LPCAT3: variants seen among roughly 807,000 people sequenced by gnomAD.
LPCAT3 encodes lysophospholipid acyltransferase 5.
In LPCAT3, 21 loss-of-function variants were observed where a neutral mutation model predicts 63.4. That is an observed-to-expected ratio of 0.33 (90% confidence interval 0.23 to 0.48). The LOEUF (loss-of-function observed/expected upper bound fraction) is 0.48, where lower values mean the gene tolerates loss of function less well. Among genes scored for constraint, LPCAT3 ranks in the 20% least tolerant of loss-of-function variants. The probability of loss-of-function intolerance (pLI) is 0.99; values close to 1 mark genes in which losing one functional copy is unlikely to be tolerated. For synonymous variants in LPCAT3, 242 were observed against 227.5 expected, an observed-to-expected ratio of 1.06 and a Z score of -0.58; for missense variants, 451 against 590.6, an observed-to-expected ratio of 0.76 and a Z score of 2.45.
In LPCAT3 at chr12:6,976,368, AT is replaced by A. The variant is rs1946400661; in HGVS notation, c.*535del. Reference sequence around the variant, plus strand: ...TAGATTCCTGGCTAGATGGGGAGAGATAAGGCAATGTGCATGGGGGAATCAG... The same window carrying A: ...TAGATTCCTGGCTAGATGGGGAGAGAAAGGCAATGTGCATGGGGGAATCAG... On this transcript the variant is annotated 3_prime_UTR_variant, in exon 13 of 13. Coordinates refer to ENST00000261407, the MANE Select transcript of LPCAT3 (RefSeq NM_005768.6). 1 of 153,828 alleles carries A rather than the reference AT, an allele frequency of 6.5e-6. No individual in the cohort carries two copies. Among genetic ancestry groups the A allele is most frequent in the South Asian group, 2.0e-4 (1 of 4,888 alleles). 9.5% of individuals were successfully genotyped at this position (153,828 alleles called of 1,614,324 possible).
In LPCAT3 at chr12:6,977,962, GT is replaced by G. The variant is rs1456115478; in HGVS notation, c.1041-218del. 1.7e-6 allele frequency: 1 copy of G among 589,484 alleles called. No individual in the cohort carries two copies. Among genetic ancestry groups the G allele is most frequent in the Non-Finnish European group, 3.0e-6 (1 of 335,284 alleles). 36.5% of individuals were successfully genotyped at this position (589,484 alleles called of 1,614,324 possible). ...AGACCGTGTGCGCACGAGCCACTTG[GT>G]TCAGCAGCAGTGACTGAGGCTGATG... is the stretch of plus-strand genomic sequence containing the variant. On this transcript the variant is annotated intron_variant, in intron 9 of 12. Transcript: ENST00000261407. The surrounding 1 kb of genome is among the most constrained non-coding windows in gnomAD (Gnocchi z 4.5).
rs3764031 is a variant in LPCAT3, at chr12:6,982,757, C to T, written c.285G>A (p.Leu95=). The T allele has an allele frequency of 0.097, 156,826 of 1,612,600 alleles. 12,167 individuals are homozygous for T. The highest frequency in any genetic ancestry group is 0.42 in the African/African-American group (31,337 of 74,844). ...NFGNQLYHSL[L]CIVLQFLILR... ...GGATGAGGAACTGAAGCACAATACACAGCAGGGAGTGGTAGAGCTGGTTTC... is the reference window on the plus strand; with the variant it reads ...GGATGAGGAACTGAAGCACAATACATAGCAGGGAGTGGTAGAGCTGGTTTC... Residue 95 remains leucine, a synonymous_variant, in exon 3 of 13, where the codon CTG becomes CTA. Coordinates refer to ENST00000261407, the MANE Select transcript of LPCAT3 (RefSeq NM_005768.6).
chr12:6,983,035 G>A (rs1477411933), intron 2 of LPCAT3: 12 of 579,478 alleles, frequency 2.1e-5, no homozygotes, highest in African/African-American at 1.8e-5. Context: ...AGACTTGAGT[G>A]CAGTAGCTCA....
chr12:6,983,905 G>A (rs1946497244), intron 1 of LPCAT3, among the ~76,000 whole-genome samples: 1 of 152,240 alleles, frequency 6.6e-6, no homozygotes, highest in Middle Eastern at 3.4e-3. Flanking sequence ...CACTCTGGGA[G>A]GCTGAGGCAA....
At chr12:7,006,578 AT>A (rs377253978) in intron 1 of LPCAT3, among the ~76,000 whole-genome samples, 50 of 152,352 alleles carry the variant, frequency 3.3e-4, no homozygotes, top group African/African-American at 1.2e-3. Context: ...TTTTGCTATT[AT>A]TTCCTATTCT....
At chr12:6,989,221 G>A (rs1946562815) in intron 1 of LPCAT3, among the ~76,000 whole-genome samples, 1 of 152,008 alleles carries the variant, frequency 6.6e-6, no homozygotes, top group Non-Finnish European at 1.5e-5. Flanking sequence ...AGCAGGCGAA[G>A]GATGATGACC....
chr12:6,994,358 C>G, intron 1 of LPCAT3, among the ~76,000 whole-genome samples: 1 of 152,230 alleles, frequency 6.6e-6, no homozygotes, highest in East Asian at 1.9e-4. Context: ...CAGGTGTGCA[C>G]CACCATGCCC....
rs1462154151 is a variant in LPCAT3, at chr12:6,980,893, A to G, written c.677+111T>C. ...CCTGTTACAACAGTCCAGGGCCTGC[A>G]TGACTCAGGTCTCTATGCCAGGGTC... On this transcript the variant is annotated intron_variant, in intron 6 of 12. Coordinates refer to ENST00000261407, the MANE Select transcript of LPCAT3 (RefSeq NM_005768.6). The G allele has an allele frequency of 1.0e-5, 11 of 1,103,730 alleles. No homozygotes were observed. In the East Asian group the frequency reaches 2.3e-4, roughly 23 times the overall value. The allele number at this position is 1,103,730 out of a possible 1,614,324, so 68.4% of individuals were successfully genotyped here.
intron 6 of LPCAT3, chr12:6,980,042 T>TA (rs1555153875): frequency 5.9e-5 from 9 of 152,214 alleles, no homozygotes; most frequent in Admixed American, 5.9e-4. Context: ...TTTTTTTTTT[T>TA]ACCATTTTAA....
chr12:6,984,806 ACCT>A (rs1263020295), intron 1 of LPCAT3, among the ~76,000 whole-genome samples: 2 of 151,912 alleles, frequency 1.3e-5, no homozygotes, highest in Non-Finnish European at 2.9e-5. Context: ...GCTGGCCTTG[ACCT>A]CCTGGGCTCA....
intron 1 of LPCAT3, among the ~76,000 whole-genome samples, chr12:6,998,595 A>G (rs1946658174): frequency 6.6e-6 from 1 of 152,224 alleles, no homozygotes; most frequent in Admixed American, 6.5e-5. Flanking sequence ...AGTGCTTAGA[A>G]CTTCATATAA....
chr12:6,977,026 G>T lies in LPCAT3; in HGVS notation c.*12+108C>A, dbSNP rs1235932658. On this transcript the variant is annotated intron_variant, in intron 12 of 12. Coordinates refer to ENST00000261407, the MANE Select transcript of LPCAT3 (RefSeq NM_005768.6). This position sits in a 1 kb window ranked among gnomAD's most constrained non-coding sequence, Gnocchi z 4.5. ...CCCATACTGTGTTCCTTAGTAGCCA[G>T]GCTAATCCTTGGAATTCACCCCAGA... The T allele has an allele frequency of 2.7e-5, 20 of 745,260 alleles. No homozygotes were observed. In the South Asian group the frequency reaches 3.2e-4, roughly 12 times the overall value. The allele number at this position is 745,260 out of a possible 1,614,324, so 46.2% of individuals were successfully genotyped here.
intron 1 of LPCAT3, chr12:7,001,604 CTGGGG>C (rs1326564874): frequency 6.8e-5 from 29 of 428,878 alleles, no homozygotes; most frequent in African/African-American, 5.3e-4. Context: ...CTGAGGAGGG[CTGGGG>C]CTGACAGGTA....
intron 1 of LPCAT3, among the ~76,000 whole-genome samples, chr12:7,009,296 G>A (rs1387709705): frequency 3.3e-5 from 5 of 152,158 alleles, no homozygotes; most frequent in African/African-American, 1.2e-4. Flanking sequence ...CCTGACCTCA[G>A]GTGATCTGCC....
intron 1 of LPCAT3, among the ~76,000 whole-genome samples, chr12:6,997,979 C>T (rs1246615854): frequency 2.0e-5 from 3 of 152,154 alleles, no homozygotes; most frequent in Non-Finnish European, 2.9e-5. Flanking sequence ...CTGCCTGCCT[C>T]AGCCTCCTAA....
At chr12:6,982,150 C>A (rs190619177) in intron 3 of LPCAT3, among the ~76,000 whole-genome samples, 1 of 152,164 alleles carries the variant, frequency 6.6e-6, no homozygotes, top group African/African-American at 2.4e-5. Context: ...CCACCCCACC[C>A]GGCTAATTTT....
rs958346715 is a variant in LPCAT3, at chr12:6,977,076, A to C, written c.*12+58T>G. The C allele has an allele frequency of 2.8e-6, 3 of 1,058,270 alleles. No homozygotes were observed. The highest frequency in any genetic ancestry group is 2.9e-6 in the Non-Finnish European group (2 of 686,474). The allele number at this position is 1,058,270 out of a possible 1,614,324, so 65.6% of individuals were successfully genotyped here. On this transcript the variant is annotated intron_variant, in intron 12 of 12. Transcript: ENST00000261407. The surrounding 1 kb of genome is among the most constrained non-coding windows in gnomAD (Gnocchi z 4.5). ...ATTTCTAATACTATTGTTTTTTTCCAGTCTGTTGCTCTATTCTGTAACCTG... is the reference window on the plus strand; with the variant it reads ...ATTTCTAATACTATTGTTTTTTTCCCGTCTGTTGCTCTATTCTGTAACCTG...
intron 1 of LPCAT3, among the ~76,000 whole-genome samples, chr12:6,991,186 CT>C (rs1415739222): frequency 6.6e-6 from 1 of 152,116 alleles, no homozygotes; most frequent in African/African-American, 2.4e-5. Flanking sequence ...TGCATTTAAT[CT>C]GTTGTAATAT....
chr12:6,998,705 T>G (rs1484158782), intron 1 of LPCAT3, among the ~76,000 whole-genome samples: 1 of 152,248 alleles, frequency 6.6e-6, no homozygotes, highest in Non-Finnish European at 1.5e-5. Flanking sequence ...TGATCCTTTC[T>G]GTTCACTAGA....
Sources: allele counts gnomAD v4.1 joint callset (sites outside exome capture counted in the v4.1 genomes callset), GRCh38; gene constraint gnomAD v4.1.1; non-coding constraint Gnocchi (gnomAD v3.1); transcripts MANE v1.5; gene names NCBI Gene and HGNC (gene_info 2026-07-23, HGNC 2026-07-21).